PSMA7: variants seen among roughly 807,000 people sequenced by gnomAD.
PSMA7 encodes the protein proteasome subunit alpha type-7.
Under a neutral mutation model 31.3 loss-of-function variants are expected in PSMA7, and 5 were observed. That is an observed-to-expected ratio of 0.16 (90% confidence interval 0.08 to 0.34). The LOEUF (loss-of-function observed/expected upper bound fraction) is 0.34. PSMA7 is among the 10% of genes least tolerant of loss of function. The probability of loss-of-function intolerance (pLI) is 1.00; values close to 1 mark genes in which losing one functional copy is unlikely to be tolerated. For missense variants in PSMA7, 217 were observed against 327.5 expected (o/e 0.66, Z 2.60); for synonymous variants, 155 against 121.9 (o/e 1.27, Z -1.79).
Position 62,136,864 on chromosome 20 carries a change from GCTTT to G in PSMA7, c.736_739del (p.Lys246HisfsTer5). 1.3e-6 allele frequency: 2 copies of G among 1,597,280 alleles called. No homozygotes were observed. The highest frequency in any genetic ancestry group is 1.7e-6 in the Non-Finnish European group (2 of 1,174,614). ...GCAAAGACATTTTATTCATCATGAT[GCTTT>G]CTTTTGTTTCTTCTTTTCGTTTTCT... On this transcript the variant is annotated frameshift_variant, in exon 7 of 7. Transcript: ENST00000370873. LOFTEE classifies it high-confidence loss of function.
At chr20:62,137,118 CAGCAGT>C (rs3078903) in intron 6 of PSMA7, among the ~76,000 whole-genome samples, 169 bp from the exon 7 acceptor site, 97,678 of 151,394 alleles carry the variant, frequency 0.65, 35,271 homozygotes, top group Non-Finnish European at 0.8. Context: ...AAGTATTAAG[CAGCAGT>C]AGCAGCAGCA....
At chr20:62,139,955 G>A (rs1568726344) in intron 2 of PSMA7, 50 bp from the exon 3 acceptor site, 3 of 1,594,538 alleles carry the variant, frequency 1.9e-6, no homozygotes, top group South Asian at 2.2e-5. Flanking sequence ...ACAAACTACA[G>A]GGTGGGGACA....
At chr20:62,141,026 T>A in intron 1 of PSMA7, 82 bp from the exon 2 acceptor site, 1 of 1,546,620 alleles carries the variant, frequency 6.5e-7, no homozygotes, top group South Asian at 1.1e-5. Context: ...TTCCAGCACT[T>A]TGGGAGGCTG....
intron 1 of PSMA7, among the ~76,000 whole-genome samples, chr20:62,141,410 T>A (rs1008523063): frequency 6.6e-6 from 1 of 152,208 alleles, no homozygotes; most frequent in African/African-American, 2.4e-5. Context: ...TCTCCTCTAC[T>A]TGTCTGTCAC....
intron 3 of PSMA7, 119 bp downstream of exon 3, chr20:62,139,662 T>C: frequency 6.5e-7 from 1 of 1,529,216 alleles, no homozygotes; most frequent in Non-Finnish European, 9.0e-7. Flanking sequence ...AAGATTAGGA[T>C]CACGCCCCAG....
In PSMA7 at chr20:62,139,256, AACCGT is replaced by A. The variant is rs1308760958; in HGVS notation, c.349-64_349-60del. On this transcript the variant is annotated intron_variant, in intron 3 of 6. Transcript: ENST00000370873. ...ATTAAGAAACTGCATGTGAGGAAAG[AACCGT>A]ACTTAGTGAAGATACGAACATTTTA... 1.9e-6 allele frequency: 3 copies of A among 1,581,814 alleles called. No individual in the cohort carries two copies. The African/African-American group carries it at 4.1e-5, about 21-fold the overall frequency.
intron 3 of PSMA7, 49 bp downstream of exon 3, chr20:62,139,732 G>C (rs749530859): frequency 1.2e-6 from 2 of 1,613,638 alleles, no homozygotes; most frequent in African/African-American, 1.3e-5. Context: ...TGGCGGAGCC[G>C]TGACTGCCCT....
At chr20:62,139,295 C>T (rs6121907) in intron 3 of PSMA7, 98 bp from the exon 4 acceptor site, 1 of 1,435,848 alleles carries the variant, frequency 7.0e-7, no homozygotes, top group Non-Finnish European at 9.5e-7. Flanking sequence ...TAAACCATGC[C>T]TGAGCCCCTT....
chr20:62,138,413 C>T, intron 4 of PSMA7, 123 bp from the exon 5 acceptor site: 1 of 1,302,884 alleles, frequency 7.7e-7, no homozygotes, highest in Non-Finnish European at 1.0e-6. Context: ...AGCTGGAGTG[C>T]TGGACAGCAG....
chr20:62,139,269 G>A (rs1294954595), intron 3 of PSMA7, 72 bp from the exon 4 acceptor site: 12 of 1,550,748 alleles, frequency 7.7e-6, no homozygotes, highest in South Asian at 2.3e-5. Flanking sequence ...CGTACTTAGT[G>A]AAGATACGAA....
At chr20:62,138,964 T>G in intron 4 of PSMA7, 111 bp downstream of exon 4, 4 of 1,403,636 alleles carry the variant, frequency 2.8e-6, no homozygotes, top group Non-Finnish European at 3.9e-6. Flanking sequence ...TAGGTTAACT[T>G]AAACTGACTC....
At chr20:62,142,950 C>G (rs1407892776) in intron 1 of PSMA7, among the ~76,000 whole-genome samples, 1 of 150,252 alleles carries the variant, frequency 6.7e-6, no homozygotes, top group Non-Finnish European at 1.5e-5. Flanking sequence ...GCCCGGGGCC[C>G]CACGCGAGGC....
Position 62,139,247 on chromosome 20 carries a change from TGAGGAAA to T in PSMA7, c.349-57_349-51del, listed in dbSNP as rs763611566. On this transcript the variant is annotated intron_variant, in intron 3 of 6. Transcript: ENST00000370873. ...TGCCATCCAATTAAGAAACTGCATGTGAGGAAAGAACCGTACTTAGTGAAGATACGAA... is the reference window on the plus strand; with the variant it reads ...TGCCATCCAATTAAGAAACTGCATGTGAACCGTACTTAGTGAAGATACGAA... 48 of 1,595,352 alleles carry T rather than the reference TGAGGAAA, an allele frequency of 3.0e-5. No individual in the cohort carries two copies. The Admixed American group carries it at 3.5e-4, about 12-fold the overall frequency.
At chr20:62,137,253 T>C (rs888479329) in intron 6 of PSMA7, 111 bp downstream of exon 6, 1 of 1,152,888 alleles carries the variant, frequency 8.7e-7, no homozygotes, top group African/African-American at 1.6e-5. Flanking sequence ...ATTTTCCTAA[T>C]GTTAAAACCA....
chr20:62,141,901 G>A (rs1053795690), intron 1 of PSMA7, among the ~76,000 whole-genome samples: 2 of 152,246 alleles, frequency 1.3e-5, no homozygotes, highest in African/African-American at 2.4e-5. Flanking sequence ...CCATCATTGG[G>A]ATAAACAGCG....
chr20:62,137,926 T>C (rs576725037), intron 5 of PSMA7, among the ~76,000 whole-genome samples: 8 of 152,344 alleles, frequency 5.3e-5, no homozygotes, highest in African/African-American at 1.7e-4. Flanking sequence ...TCTCATGCTG[T>C]GTGTCCCTGC....
At chr20:62,142,025 C>T (rs2056931910) in intron 1 of PSMA7, among the ~76,000 whole-genome samples, 1 of 152,242 alleles carries the variant, frequency 6.6e-6, no homozygotes, top group Non-Finnish European at 1.5e-5. Flanking sequence ...GCGTCCCTGG[C>T]CTCTACCCTC....
At chr20:62,141,340 T>TG (rs2056926229) in intron 1 of PSMA7, among the ~76,000 whole-genome samples, 1 of 152,290 alleles carries the variant, frequency 6.6e-6, no homozygotes, top group African/African-American at 2.4e-5. Context: ...ACCTGGGTCC[T>TG]GGGGGGTACG....
intron 5 of PSMA7, 131 bp downstream of exon 5, chr20:62,138,040 G>T: frequency 8.0e-7 from 1 of 1,244,530 alleles, no homozygotes. Context: ...CCAGAGCAGT[G>T]CCTGGAACAC....
Sources: allele counts gnomAD v4.1 joint callset (sites outside exome capture counted in the v4.1 genomes callset), GRCh38; gene constraint gnomAD v4.1.1; transcripts MANE v1.5; gene names NCBI Gene and HGNC (gene_info 2026-07-23, HGNC 2026-07-21).